Variants in MED13L observed in about 807,000 individuals in gnomAD.
MED13L encodes mediator complex subunit 13L, also known as mediator of RNA polymerase II transcription subunit 13-like.
In MED13L, 7 loss-of-function variants were observed where a neutral mutation model predicts 220.9. That is an observed-to-expected ratio of 0.03 (90% CI 0.02 to 0.06). MED13L has a LOEUF of 0.06. Among genes scored for constraint, MED13L ranks in the 10% least tolerant of loss-of-function variants. The probability of loss-of-function intolerance (pLI) is 1.00; values close to 1 mark genes in which losing one functional copy is unlikely to be tolerated. For missense variants in MED13L, 1,965 were observed against 2,760.5 expected, an observed-to-expected ratio of 0.71 and a Z score of 6.46; for synonymous variants, 1,011 against 1,015.2, an observed-to-expected ratio of 1.00 and a Z score of 0.08.
At chr12:115,987,631 C>G (rs1877786302) in intron 17 of MED13L, among the ~76,000 whole-genome samples, 1 of 151,966 alleles carries the variant, frequency 6.6e-6, no homozygotes, top group Non-Finnish European at 1.5e-5. Context: ...GCAAAAGTTT[C>G]TTAATTATTA....
At chr12:116,231,350 G>C (rs1289450803) in intron 2 of MED13L, among the ~76,000 whole-genome samples, 1 of 152,140 alleles carries the variant, frequency 6.6e-6, no homozygotes, top group East Asian at 1.9e-4. Flanking sequence ...TGATGCCGTG[G>C]AAAGGACACA....
chr12:116,063,100 G>A (rs1047073733), intron 4 of MED13L, among the ~76,000 whole-genome samples: 4 of 152,102 alleles, frequency 2.6e-5, no homozygotes, highest in African/African-American at 4.8e-5. Flanking sequence ...ACAGCAGCTG[G>A]CTATTTGATA....
chr12:116,065,177 T>TAC, intron 4 of MED13L, among the ~76,000 whole-genome samples: 1 of 152,182 alleles, frequency 6.6e-6, no homozygotes, highest in Non-Finnish European at 1.5e-5. Context: ...ATACATCAGG[T>TAC]TTCTACATAT....
intron 2 of MED13L, among the ~76,000 whole-genome samples, chr12:116,210,549 A>T (rs1882624055): frequency 1.2e-5 from 1 of 84,664 alleles, no homozygotes; most frequent in African/African-American, 5.1e-5. Flanking sequence ...GCAGAACGTA[A>T]CCTATATATA....
intron 9 of MED13L, among the ~76,000 whole-genome samples, chr12:116,009,688 C>T (rs1879275499): frequency 6.6e-6 from 1 of 152,138 alleles, no homozygotes; most frequent in Non-Finnish European, 1.5e-5. Flanking sequence ...CTTTATGTGC[C>T]ACTATATCTA....
chr12:116,169,123 A>C (rs1593123698), intron 2 of MED13L: 1 of 153,152 alleles, frequency 6.5e-6, no homozygotes, highest in East Asian at 1.9e-4. Context: ...AGATATGTCC[A>C]AGGAATATTG....
At chr12:116,147,383 C>T (rs1249301580) in intron 2 of MED13L, among the ~76,000 whole-genome samples, 1 of 152,156 alleles carries the variant, frequency 6.6e-6, no homozygotes, top group African/African-American at 2.4e-5. Context: ...CAGTTTAAAA[C>T]TTACAGAAAT....
Position 115,983,435 on chromosome 12 carries a change from C to A in MED13L, c.4637G>T (p.Gly1546Val). The change falls in exon 21 of 31, where the codon GGG becomes GTG. Residue 1546 changes from glycine (G) to valine (V), a missense_variant. Physicochemically the swap from Gly to Val is moderately radical, Grantham distance 109 (BLOSUM62 -3). Around this residue, in one of 10 missense-constraint regions of MED13L, gnomAD observed 510 missense variants for 620.4 expected, o/e 0.82. Coordinates refer to ENST00000281928, the MANE Select transcript of MED13L (RefSeq NM_015335.5). ...TGCTGATCCATTTGGAGCTAAGGGC[C>A]CAGCATTCCCTGGCGTAGCTTGTCC... is the stretch of plus-strand genomic sequence containing the variant. Reference protein sequence around the residue: ...AQGQATPGNAGPLAPNGSAAP... With the variant: ...AQGQATPGNAVPLAPNGSAAP... The A allele has an allele frequency of 6.2e-7, 1 of 1,614,128 alleles. No individual in the cohort carries two copies. The highest frequency in any genetic ancestry group is 8.5e-7 in the Non-Finnish European group (1 of 1,180,012).
chr12:116,075,745 G>C (rs534234384), intron 4 of MED13L, among the ~76,000 whole-genome samples: 1 of 152,196 alleles, frequency 6.6e-6, no homozygotes, highest in East Asian at 1.9e-4. Context: ...TTCCCTTAAA[G>C]TTTGAAGAAG....
Position 116,006,380 on chromosome 12 carries a change from G to C in MED13L, c.2270C>G (p.Thr757Ser). 1.2e-6 allele frequency: 2 copies of C among 1,614,034 alleles called. No homozygotes were observed. Among genetic ancestry groups the C allele is most frequent in the Non-Finnish European group, 1.7e-6 (2 of 1,179,930 alleles). The change falls in exon 12 of 31, where the codon ACT becomes AGT. Residue 757 changes from threonine to serine, a missense_variant. By Grantham distance (58) the Thr-to-Ser change is moderately conservative. Coordinates refer to ENST00000281928, the MANE Select transcript of MED13L (RefSeq NM_015335.5). ...SEDGFGTKDVTTPGHSTPVPD... is the reference protein window; with the variant it reads ...SEDGFGTKDVSTPGHSTPVPD... ...CACCGGCGTGGAATGACCTGGTGTA[G>C]TGACATCCTTGGTACCAAATCCATC...
At chr12:116,157,447 C>A (rs562735101) in intron 2 of MED13L, among the ~76,000 whole-genome samples, 2 of 152,252 alleles carry the variant, frequency 1.3e-5, no homozygotes, top group East Asian at 3.9e-4. Flanking sequence ...AGCACTCCAG[C>A]CTTTGTTAAT....
chr12:116,275,344 A>G (rs970715062), intron 1 of MED13L, among the ~76,000 whole-genome samples: 5 of 152,190 alleles, frequency 3.3e-5, no homozygotes, highest in Non-Finnish European at 5.9e-5. Flanking sequence ...TCACAATACT[A>G]AGAGAAAGAA....
chr12:115,964,206 C>G (rs1875976968), intron 29 of MED13L, among the ~76,000 whole-genome samples: 4 of 152,292 alleles, frequency 2.6e-5, no homozygotes, highest in African/African-American at 9.6e-5. Context: ...TTAAACATAA[C>G]AGTAATTATC....
At chr12:116,214,915 A>G (rs544972654) in intron 2 of MED13L, among the ~76,000 whole-genome samples, 10 of 152,284 alleles carry the variant, frequency 6.6e-5, no homozygotes, top group African/African-American at 1.7e-4. Context: ...AGGCCACCCT[A>G]TTTAAGAATG....
intron 4 of MED13L, among the ~76,000 whole-genome samples, chr12:116,050,283 C>T (rs781702119): frequency 5.9e-5 from 9 of 152,024 alleles, no homozygotes; most frequent in Admixed American, 1.3e-4. Flanking sequence ...AATATGTGAG[C>T]GGGCACACAA....
chr12:116,241,220 G>A (rs374246404), intron 1 of MED13L, among the ~76,000 whole-genome samples: 22 of 151,106 alleles, frequency 1.5e-4, no homozygotes, highest in Non-Finnish European at 1.0e-4. Flanking sequence ...CAGGAGAATC[G>A]CTTGAACCCG....
chr12:115,980,599 C>G, intron 23 of MED13L, 151 bp downstream of exon 23: 1 of 830,716 alleles, frequency 1.2e-6, no homozygotes, highest in Admixed American at 1.9e-5. Context: ...GCTAAGACTA[C>G]AGGTGTGAGC....
intron 1 of MED13L, among the ~76,000 whole-genome samples, chr12:116,255,113 G>A (rs368387526): frequency 4.6e-5 from 7 of 152,180 alleles, no homozygotes; most frequent in Middle Eastern, 6.8e-3. Context: ...AACAAAGTCG[G>A]AGAATTTATC....
At chr12:116,210,111 T>C (rs983106882) in intron 2 of MED13L, among the ~76,000 whole-genome samples, 2 of 152,044 alleles carry the variant, frequency 1.3e-5, no homozygotes, top group Non-Finnish European at 2.9e-5. Context: ...GATAAAACAT[T>C]GTGGGAAAGG....
Sources: allele counts gnomAD v4.1 joint callset (sites outside exome capture counted in the v4.1 genomes callset), GRCh38; gene constraint gnomAD v4.1.1; regional missense constraint gnomAD v4.1.1; transcripts MANE v1.5; gene names NCBI Gene and HGNC (gene_info 2026-07-23, HGNC 2026-07-21).